Variants in BOLL observed in about 807,000 individuals in gnomAD.
BOLL encodes the protein boule RNA binding protein, also known as protein boule-like.
In BOLL, 23 loss-of-function variants were observed where a neutral mutation model predicts 44.4. The ratio of observed to expected loss-of-function variants is 0.52; its 90% CI spans 0.37 to 0.73. BOLL has a LOEUF of 0.73. Among genes scored for constraint, BOLL ranks in the 30% least tolerant of loss-of-function variants. The pLI is 0.00. For synonymous variants in BOLL, 97 were observed against 110.8 expected (o/e 0.88, Z 0.78); for missense variants, 287 against 338.3 (o/e 0.85, Z 1.19).
intron 6 of BOLL, among the ~76,000 whole-genome samples, chr2:197,771,549 T>C (rs1431025281): frequency 1.3e-5 from 2 of 152,038 alleles, no homozygotes; most frequent in Non-Finnish European, 2.9e-5. Flanking sequence ...CAGTACTATA[T>C]GTCATTTATG....
intron 7 of BOLL, among the ~76,000 whole-genome samples, chr2:197,760,988 A>G (rs1688729512): frequency 6.6e-6 from 1 of 152,140 alleles, no homozygotes; most frequent in African/African-American, 2.4e-5. Context: ...AGAATATTAT[A>G]CCCAGTAAAG....
At chr2:197,735,571 T>C (rs1303044181) in intron 10 of BOLL, among the ~76,000 whole-genome samples, 4 of 152,176 alleles carry the variant, frequency 2.6e-5, no homozygotes, top group Non-Finnish European at 5.9e-5. Context: ...TTTAGACGAC[T>C]GTACTGATGT....
At chr2:197,765,659 T>G (rs187285073) in intron 7 of BOLL, among the ~76,000 whole-genome samples, 64 of 152,202 alleles carry the variant, frequency 4.2e-4, no homozygotes, top group Non-Finnish European at 5.9e-5. Context: ...ACTATCTCTT[T>G]TTTATTTTTT....
At chr2:197,742,630 C>T (rs2106326069) in intron 10 of BOLL, among the ~76,000 whole-genome samples, 1 of 150,842 alleles carries the variant, frequency 6.6e-6, no homozygotes, top group Non-Finnish European at 1.5e-5. Context: ...CACATGGACA[C>T]AGGAAGGGGA....
intron 9 of BOLL, among the ~76,000 whole-genome samples, chr2:197,755,218 C>T (rs149085068): frequency 0.02 from 2,968 of 152,150 alleles, 84 homozygotes; most frequent in African/African-American, 0.069. Context: ...GTCAGAATGG[C>T]GATTATTAAA....
At chr2:197,757,310 T>C in intron 8 of BOLL, 43 bp downstream of exon 8, 6 of 1,538,746 alleles carry the variant, frequency 3.9e-6, no homozygotes, top group Non-Finnish European at 5.3e-6. Context: ...AAGAATATAA[T>C]GAAAGAAGGA....
chr2:197,771,348 G>C (rs1689245575), intron 6 of BOLL, among the ~76,000 whole-genome samples: 1 of 119,706 alleles, frequency 8.4e-6, no homozygotes, highest in Admixed American at 9.6e-5. Context: ...GGCCTGTTGT[G>C]GGGTGGGGGG....
intron 7 of BOLL, chr2:197,759,136 C>T: frequency 1.4e-6 from 1 of 726,896 alleles, no homozygotes; most frequent in Admixed American, 2.4e-5. Flanking sequence ...TACAATTTGA[C>T]AGGAGCATCA....
At chr2:197,772,677 C>T (rs1294546439) in intron 5 of BOLL, among the ~76,000 whole-genome samples, 1 of 151,818 alleles carries the variant, frequency 6.6e-6, no homozygotes, top group Non-Finnish European at 1.5e-5. Flanking sequence ...TATATAAACC[C>T]CCACCACAAA....
intron 1 of BOLL, among the ~76,000 whole-genome samples, chr2:197,782,110 G>A (rs1689818246): frequency 6.6e-6 from 1 of 151,998 alleles, no homozygotes; most frequent in African/African-American, 2.4e-5. Context: ...TACTTAAAAT[G>A]CTTATATTAT....
At chr2:197,784,535 A>T (rs1689972827) in intron 1 of BOLL, 2 of 183,600 alleles carry the variant, frequency 1.1e-5, no homozygotes, top group Non-Finnish European at 2.0e-5. Context: ...GGTTCAAGAG[A>T]TTCTCCTGCC....
intron 9 of BOLL, among the ~76,000 whole-genome samples, chr2:197,755,464 T>C (rs2106347865): frequency 6.6e-6 from 1 of 152,304 alleles, no homozygotes; most frequent in East Asian, 1.9e-4. Flanking sequence ...TGCAGCACTA[T>C]TCACAATAGC....
intron 3 of BOLL, among the ~76,000 whole-genome samples, chr2:197,777,746 A>G (rs1358559299): frequency 6.6e-6 from 1 of 151,842 alleles, no homozygotes; most frequent in Non-Finnish European, 1.5e-5. Context: ...CCAAAAAGCC[A>G]CAATAGGTAG....
rs1686880675 is a variant in BOLL at position 197,727,104 on chromosome 2, G to T, written c.*1451C>A. On this transcript the variant is annotated 3_prime_UTR_variant, in exon 11 of 11. Coordinates refer to ENST00000392296, the MANE Select transcript of BOLL (RefSeq NM_033030.6). Reference sequence around the variant, plus strand: ...AATCTATTTACATTCCTAAAACTGAGAATAATTAATGTATTTGAGATCCTT... The same window carrying T: ...AATCTATTTACATTCCTAAAACTGATAATAATTAATGTATTTGAGATCCTT... The T allele has an allele frequency of 6.6e-6, 1 of 152,354 alleles. No individual in the cohort carries two copies. Among genetic ancestry groups the T allele is most frequent in the African/African-American group, 2.4e-5 (1 of 41,422 alleles). The allele number at this position is 152,354 out of a possible 1,614,324, so 9.4% of individuals were successfully genotyped here.
At chr2:197,746,062 AG>A (rs1215612874) in intron 9 of BOLL, among the ~76,000 whole-genome samples, 3 of 152,202 alleles carry the variant, frequency 2.0e-5, no homozygotes, top group Non-Finnish European at 2.9e-5. Context: ...GAGGTGAAGC[AG>A]GGAGAAAGTG....
upstream of BOLL, among the ~76,000 whole-genome samples, chr2:197,785,648 A>G (rs1395866219): frequency 2.0e-5 from 3 of 152,162 alleles, no homozygotes; most frequent in Non-Finnish European, 4.4e-5. This position sits in a 1 kb window ranked among gnomAD's most constrained non-coding sequence, Gnocchi z 6.7. Flanking sequence ...GCCTAGCCCA[A>G]TTTCGGCGGG....
chr2:197,756,379 T>C, intron 9 of BOLL, 49 bp downstream of exon 9: 2 of 1,435,842 alleles, frequency 1.4e-6, no homozygotes, highest in South Asian at 3.0e-5. Flanking sequence ...AAGAAATAAA[T>C]GTTAACATGA....
chr2:197,784,415 T>C (rs1392505088), intron 1 of BOLL, among the ~76,000 whole-genome samples: 8 of 73,902 alleles, frequency 1.1e-4, no homozygotes, highest in East Asian at 6.1e-4. Flanking sequence ...TATATATATA[T>C]ATATATATAT....
chr2:197,741,161 C>G (rs1687712410), intron 10 of BOLL, among the ~76,000 whole-genome samples: 1 of 152,080 alleles, frequency 6.6e-6, no homozygotes, highest in African/African-American at 2.4e-5. Context: ...TTTCATTGAG[C>G]AGTGGTTTGT....
Sources: gnomAD v4.1 joint callset for allele counts (sites outside exome capture counted in the v4.1 genomes callset) on GRCh38, gnomAD v4.1.1 for gene constraint, Gnocchi (gnomAD v3.1) non-coding constraint, MANE v1.5 for transcripts, NCBI Gene and HGNC (gene_info 2026-07-23, HGNC 2026-07-21) for gene names.